HIP1: variants seen among roughly 807,000 people sequenced by gnomAD.
HIP1 encodes the protein huntingtin interacting protein 1.
Under a neutral mutation model 147.6 loss-of-function variants are expected in HIP1, and 65 were observed. That is an observed-to-expected ratio of 0.44 (90% CI 0.36 to 0.54). The LOEUF is 0.54. Among genes scored for constraint, HIP1 ranks in the 20% least tolerant of loss-of-function variants. The pLI, the probability that HIP1 is intolerant of heterozygous loss-of-function variation, is 0.00. For missense variants in HIP1, 1,061 were observed against 1,299.6 expected, an observed-to-expected ratio of 0.82 and a Z score of 2.82; for synonymous variants, 479 against 504.0, an observed-to-expected ratio of 0.95 and a Z score of 0.67.
chr7:75,655,519 T>C (rs1429180654), intron 1 of HIP1, among the ~76,000 whole-genome samples: 2 of 149,232 alleles, frequency 1.3e-5, no homozygotes, highest in African/African-American at 2.5e-5. Flanking sequence ...GAAGCGGAGG[T>C]TGTAGTGAGC....
intron 1 of HIP1, among the ~76,000 whole-genome samples, chr7:75,700,151 G>A (rs1392758383): frequency 2.6e-5 from 4 of 152,072 alleles, no homozygotes; most frequent in Admixed American, 1.3e-4. Context: ...GTGCCTGGCC[G>A]GCACCGAGTT....
At chr7:75,569,874 G>C (rs587738300) in intron 8 of HIP1, among the ~76,000 whole-genome samples, 2 of 152,210 alleles carry the variant, frequency 1.3e-5, no homozygotes, top group African/African-American at 4.8e-5. Context: ...TGCATGTACC[G>C]GGTGAGATTC....
chr7:75,567,780 C>A (rs782332859), intron 9 of HIP1, among the ~76,000 whole-genome samples: 12 of 146,620 alleles, frequency 8.2e-5, no homozygotes, highest in African/African-American at 3.3e-4. Flanking sequence ...GCACTCCAGC[C>A]CGAAGATAAC....
chr7:75,607,565 G>C (rs939985338), intron 1 of HIP1, among the ~76,000 whole-genome samples: 9 of 151,102 alleles, frequency 6.0e-5, no homozygotes, highest in African/African-American at 1.9e-4. Flanking sequence ...TGTCAAGTGC[G>C]GTGGCCGTGC....
chr7:75,738,704 A>G (rs114255868), intron 1 of HIP1, 97 bp downstream of exon 1: 2 of 1,385,034 alleles, frequency 1.4e-6, no homozygotes, highest in Admixed American at 2.1e-5. Flanking sequence ...CCCGTCTTCA[A>G]CTGGGGCCTG....
chr7:75,722,835 A>G (rs1434938916), intron 1 of HIP1, among the ~76,000 whole-genome samples: 1 of 152,182 alleles, frequency 6.6e-6, no homozygotes, highest in Non-Finnish European at 1.5e-5. Context: ...CTCAGCAGGA[A>G]AAAAAATGTT....
chr7:75,723,185 G>T (rs1333675439), intron 1 of HIP1, among the ~76,000 whole-genome samples: 1 of 152,116 alleles, frequency 6.6e-6, no homozygotes, highest in Non-Finnish European at 1.5e-5. Flanking sequence ...GGCCGACATG[G>T]TGACACCCCA....
chr7:75,589,739 G>GT (rs1305892413), intron 4 of HIP1, among the ~76,000 whole-genome samples: 29 of 56,308 alleles, frequency 5.2e-4, no homozygotes, highest in Non-Finnish European at 6.1e-4. Flanking sequence ...GGTTTTTTTT[G>GT]TTTTTTTTTG....
In HIP1 at chr7:75,557,350, A is replaced by C. The variant is rs587751024; in HGVS notation, c.1581+304T>G. 1.9e-3 allele frequency among the ~76,000 whole-genome samples: 293 copies of C among 150,308 alleles called. 1 individual carries two copies. Among genetic ancestry groups the C allele is most frequent in the African/African-American group, 6.6e-3 (264 of 40,122 alleles). On this transcript the variant is annotated intron_variant, in intron 16 of 30. Coordinates refer to ENST00000336926, the MANE Select transcript of HIP1 (RefSeq NM_005338.7). ...AAAAACAAACAAACAAAACAAACAA[A>C]CAAAAAAAAACGCTCATCCCTCTCT...
intron 1 of HIP1, among the ~76,000 whole-genome samples, chr7:75,716,145 C>G (rs1801310867): frequency 6.6e-6 from 1 of 152,078 alleles, no homozygotes; most frequent in Non-Finnish European, 1.5e-5. Context: ...AGACAAATAT[C>G]CAAACCACAT....
At chr7:75,661,527 C>G (rs1283354013) in intron 1 of HIP1, among the ~76,000 whole-genome samples, 1 of 139,412 alleles carries the variant, frequency 7.2e-6, no homozygotes, top group East Asian at 2.2e-4. Context: ...GAGCCGAGAT[C>G]ATGCCGCTGC....
chr7:75,540,760 T>C (rs1166146426), intron 29 of HIP1, among the ~76,000 whole-genome samples: 2 of 152,184 alleles, frequency 1.3e-5, no homozygotes, highest in Admixed American at 6.6e-5. Context: ...TTTTACATAA[T>C]ATGACTTTAT....
rs1227559975 is a variant in HIP1 at position 75,641,852 on chromosome 7, G to T, written c.121-42605C>A. On this transcript the variant is annotated intron_variant, in intron 1 of 30. Coordinates refer to ENST00000336926, the MANE Select transcript of HIP1 (RefSeq NM_005338.7). ...TAATGGTTCTACCTCCACTGAGCTG[G>T]TTAAGCTGGAAACTTCAAAGGCAGC... Among the ~76,000 whole-genome samples, 4 of 152,130 alleles carry T rather than the reference G, an allele frequency of 2.6e-5. No homozygotes were observed. In the East Asian group the frequency reaches 7.7e-4, roughly 29 times the overall value.
Position 75,570,968 on chromosome 7 carries a change from C to T in HIP1, c.746-2712G>A, listed in dbSNP as rs587663550. Among the ~76,000 whole-genome samples the T allele has an allele frequency of 1.2e-4, 19 of 152,074 alleles. No homozygotes were observed. In the East Asian group the frequency reaches 3.7e-3, roughly 30 times the overall value. ...GAGGTTGCAGTGGGATGAGATTGTG[C>T]CACTGCACTCCAGCCTGGGCAACAG... On this transcript the variant is annotated intron_variant, in intron 8 of 30. Coordinates refer to ENST00000336926, the MANE Select transcript of HIP1 (RefSeq NM_005338.7).
chr7:75,633,385 C>T (rs975523262), intron 1 of HIP1, among the ~76,000 whole-genome samples: 19 of 152,030 alleles, frequency 1.2e-4, no homozygotes, highest in African/African-American at 4.1e-4. Flanking sequence ...CTCTGCTTCC[C>T]GGGTTCAAGC....
intron 22 of HIP1, 84 bp from the exon 23 acceptor site, chr7:75,549,085 A>G (rs902308676): frequency 2.0e-6 from 2 of 1,013,996 alleles, no homozygotes; most frequent in East Asian, 2.4e-5. Context: ...ACAAGATGGC[A>G]AGGCAGGAGG....
chr7:75,537,455 G>A lies in HIP1; in HGVS notation c.*717C>T, dbSNP rs1432994643. On this transcript the variant is annotated 3_prime_UTR_variant, in exon 31 of 31. Transcript: ENST00000336926. ...ATCGCTGGAGCTACCACAGTTGGGGGGCCCTGGAGACTCAGCCCCAGGGGT... is the reference window on the plus strand; with the variant it reads ...ATCGCTGGAGCTACCACAGTTGGGGAGCCCTGGAGACTCAGCCCCAGGGGT... 1 of 232,616 alleles carries A rather than the reference G, an allele frequency of 4.3e-6. No homozygotes were observed. Among genetic ancestry groups the A allele is most frequent in the African/African-American group, 2.2e-5 (1 of 45,174 alleles). The allele number at this position is 232,616 out of a possible 1,614,324, so 14.4% of individuals were successfully genotyped here.
At chr7:75,605,908 G>A (rs1797206107) in intron 1 of HIP1, among the ~76,000 whole-genome samples, 1 of 152,124 alleles carries the variant, frequency 6.6e-6, no homozygotes, top group African/African-American at 2.4e-5. Flanking sequence ...GGAGTGCAGT[G>A]GTGCAATCAT....
At chr7:75,709,644 C>T (rs1335998826) in intron 1 of HIP1, among the ~76,000 whole-genome samples, 1 of 152,146 alleles carries the variant, frequency 6.6e-6, no homozygotes, top group Non-Finnish European at 1.5e-5. Flanking sequence ...AATTTTACCT[C>T]TTCCTTTCCA....
Sources: allele counts gnomAD v4.1 joint callset (sites outside exome capture counted in the v4.1 genomes callset), GRCh38; gene constraint gnomAD v4.1.1; transcripts MANE v1.5; gene names NCBI Gene and HGNC (gene_info 2026-07-23, HGNC 2026-07-21).